The following XKR4 variants were observed in gnomAD, a reference collection of about 807,000 sequenced individuals.
XKR4 encodes the protein XK-related protein 4.
XKR4 carries 12 observed loss-of-function variants against 53.9 expected under a neutral mutation model. That is an observed-to-expected ratio of 0.22 (90% CI 0.14 to 0.36). The LOEUF is 0.36. XKR4 is among the 10% of genes least tolerant of loss of function. XKR4 has a pLI of 1.00. For missense variants in XKR4, 799 were observed against 859.5 expected (o/e 0.93, Z 0.88); for synonymous variants, 354 against 362.4 (o/e 0.98, Z 0.26).
At position 55,536,110 on chromosome 8, in the gene XKR4, G is replaced by A. The variant is rs779485133; in HGVS notation, c.*11883G>A. 1 of 152,120 alleles carries A rather than the reference G, an allele frequency of 6.6e-6. No homozygotes were observed. The highest frequency in any genetic ancestry group is 1.5e-5 in the Non-Finnish European group (1 of 68,024). 9.4% of individuals were successfully genotyped at this position (152,120 alleles called of 1,614,324 possible). A position where few individuals can be genotyped will look rare whatever the true frequency, so the allele number is the denominator to read the frequency against. ...CCTCTGTGTCCAAACACACTAAACT[G>A]GGTTTACAAGCATTAGAATCTTTCA... On this transcript the variant is annotated 3_prime_UTR_variant, in exon 3 of 3. Coordinates refer to ENST00000327381, the MANE Select transcript of XKR4 (RefSeq NM_052898.2).
chr8:55,120,220 GTTTCT>G (rs1563461007), intron 1 of XKR4, among the ~76,000 whole-genome samples: 2 of 152,168 alleles, frequency 1.3e-5, no homozygotes, highest in African/African-American at 2.4e-5. Context: ...TCATTCATGG[GTTTCT>G]TGTTGAGCCT....
chr8:55,211,885 C>T (rs1352913157), intron 1 of XKR4, among the ~76,000 whole-genome samples: 4 of 152,098 alleles, frequency 2.6e-5, no homozygotes, highest in Non-Finnish European at 5.9e-5. Context: ...GAACATGTGC[C>T]CAAGGTGGTC....
intron 1 of XKR4, among the ~76,000 whole-genome samples, chr8:55,120,915 ACTGT>A (rs1157181152): frequency 6.6e-6 from 1 of 152,150 alleles, no homozygotes; most frequent in Non-Finnish European, 1.5e-5. Context: ...TGGTGTTTTT[ACTGT>A]CTGAAGTTGT....
chr8:55,222,857 G>C (rs1236649090), intron 1 of XKR4, among the ~76,000 whole-genome samples: 1 of 151,978 alleles, frequency 6.6e-6, no homozygotes, highest in Admixed American at 6.6e-5. Flanking sequence ...AAGAATATAA[G>C]GTCATTCACA....
chr8:55,440,403 T>C (rs1300263854), intron 2 of XKR4, among the ~76,000 whole-genome samples: 1 of 152,146 alleles, frequency 6.6e-6, no homozygotes, highest in African/African-American at 2.4e-5. Context: ...GAATTTAAAA[T>C]AGATATAAAT....
intron 1 of XKR4, among the ~76,000 whole-genome samples, chr8:55,239,582 G>T (rs887888291): frequency 1.3e-5 from 2 of 152,084 alleles, no homozygotes; most frequent in Non-Finnish European, 1.5e-5. Context: ...AATTGATTGT[G>T]TTCCTCTTCC....
chr8:55,508,104 A>G (rs945980085), intron 2 of XKR4, among the ~76,000 whole-genome samples: 6 of 150,938 alleles, frequency 4.0e-5, no homozygotes, highest in African/African-American at 9.7e-5. Flanking sequence ...GCTAGCTAGC[A>G]TACAAATTCC....
chr8:55,156,432 G>C (rs922320067), intron 1 of XKR4, among the ~76,000 whole-genome samples: 3 of 134,742 alleles, frequency 2.2e-5, no homozygotes, highest in Admixed American at 7.5e-5. Context: ...GGTGGGGAGA[G>C]GGAGGAAGGG....
rs980190974 is a variant in XKR4, at chr8:55,529,576, G to A, written c.*5349G>A. 4 of 152,124 alleles carry A rather than the reference G, an allele frequency of 2.6e-5. No homozygotes were observed. Among genetic ancestry groups the A allele is most frequent in the Non-Finnish European group, 4.4e-5 (3 of 68,022 alleles). The allele number at this position is 152,124 out of a possible 1,614,324, so 9.4% of individuals were successfully genotyped here. ...TGTGAGTTAAGCATCATTTACAGAT[G>A]ACAAAATCTGTAAATGGCTTAGAGA... is the stretch of plus-strand genomic sequence containing the variant. On this transcript the variant is annotated 3_prime_UTR_variant, in exon 3 of 3. Coordinates refer to ENST00000327381, the MANE Select transcript of XKR4 (RefSeq NM_052898.2).
chr8:55,346,751 C>T (rs1359606665), intron 1 of XKR4, among the ~76,000 whole-genome samples: 2 of 146,294 alleles, frequency 1.4e-5, no homozygotes, highest in Non-Finnish European at 3.0e-5. Context: ...AGCCAGGCAA[C>T]AGAAGAAAAT....
chr8:55,171,927 C>T (rs2129358554), intron 1 of XKR4, among the ~76,000 whole-genome samples: 1 of 152,278 alleles, frequency 6.6e-6, no homozygotes. Flanking sequence ...ATCCATTCCT[C>T]CAGAGGGGTC....
Position 55,418,220 on chromosome 8 carries a change from G to T in XKR4, c.1006+60343G>T, listed in dbSNP as rs187617001. Among the ~76,000 whole-genome samples the T allele has an allele frequency of 6.4e-3, 971 of 152,248 alleles. 9 individuals are homozygous for T. The highest frequency in any genetic ancestry group is 0.022 in the African/African-American group (924 of 41,550). On this transcript the variant is annotated intron_variant, in intron 2 of 2. Transcript: ENST00000327381. ...TAGACACAGGCTGTACTCATGGAGG[G>T]GGTGTGGATAGCCGTGGCAGGGCAG...
intron 2 of XKR4, among the ~76,000 whole-genome samples, chr8:55,364,240 A>T (rs984227251): frequency 1.3e-5 from 2 of 152,206 alleles, no homozygotes; most frequent in Non-Finnish European, 2.9e-5. Context: ...TGGAAGGAGC[A>T]GGAAGGCAGC....
chr8:55,227,214 T>C (rs1432014815), intron 1 of XKR4, among the ~76,000 whole-genome samples: 1 of 152,226 alleles, frequency 6.6e-6, no homozygotes, highest in East Asian at 1.9e-4. Flanking sequence ...TTGGCAGGCC[T>C]CAACTAATTA....
In XKR4 at chr8:55,502,837, T is replaced by G. The variant is rs148224852; in HGVS notation, c.1007-20444T>G. 3.9e-5 allele frequency among the ~76,000 whole-genome samples: 6 copies of G among 152,288 alleles called. No homozygotes were observed. The East Asian group carries it at 1.2e-3, about 29-fold the overall frequency. ...TTCCTCTATATTTTCTTCTAAGAAT[T>G]TTCTACTTTTAGTTTTTACATTTAG... On this transcript the variant is annotated intron_variant, in intron 2 of 2. Coordinates refer to ENST00000327381, the MANE Select transcript of XKR4 (RefSeq NM_052898.2).
At chr8:55,514,823 T>G (rs1403197854) in intron 2 of XKR4, among the ~76,000 whole-genome samples, 1 of 152,226 alleles carries the variant, frequency 6.6e-6, no homozygotes, top group Non-Finnish European at 1.5e-5. Context: ...TCACGCAATA[T>G]GTAGTACTGA....
intron 1 of XKR4, among the ~76,000 whole-genome samples, chr8:55,338,432 T>C (rs754105620): frequency 4.3e-4 from 65 of 152,118 alleles, no homozygotes; most frequent in Non-Finnish European, 7.8e-4. Flanking sequence ...CAGGGTGCAA[T>C]GGCAAGCTGG....
At chr8:55,154,417 A>G (rs1816878761) in intron 1 of XKR4, among the ~76,000 whole-genome samples, 1 of 152,204 alleles carries the variant, frequency 6.6e-6, no homozygotes, top group Admixed American at 6.5e-5. Flanking sequence ...GCGAGAGTTG[A>G]TATTCTTATT....
chr8:55,460,376 A>G (rs2129397736), intron 2 of XKR4, among the ~76,000 whole-genome samples: 1 of 152,356 alleles, frequency 6.6e-6, no homozygotes. Context: ...AAATTTGCTC[A>G]AAATCATTGA....
Sources: gnomAD v4.1 joint callset for allele counts (sites outside exome capture counted in the v4.1 genomes callset) on GRCh38, gnomAD v4.1.1 for gene constraint, MANE v1.5 for transcripts, NCBI Gene and HGNC (gene_info 2026-07-23, HGNC 2026-07-21) for gene names.